NOX1: variants seen among roughly 807,000 people sequenced by gnomAD.
The protein encoded by NOX1 is NADPH oxidase 1, also known as NADH/NADPH mitogenic oxidase subunit P65-MOX.
A neutral mutation model predicts 42.5 loss-of-function variants in NOX1; 34 were observed. That is an observed-to-expected ratio of 0.80 (90% CI 0.61 to 1.07). The LOEUF (loss-of-function observed/expected upper bound fraction) is 1.07, where lower values mean the gene tolerates loss of function less well. Ranked by LOEUF, NOX1 falls within the 50% of genes least tolerant of loss-of-function variation. NOX1 has a pLI of 0.00. For missense variants in NOX1, 408 were observed against 427.0 expected, an observed-to-expected ratio of 0.96 and a Z score of 0.39; for synonymous variants, 143 against 152.5, an observed-to-expected ratio of 0.94 and a Z score of 0.46.
In NOX1 at chrX:100,862,517, T is replaced by A; in HGVS notation, c.546A>T (p.Thr182=). 2 of 1,210,266 alleles carry A rather than the reference T, an allele frequency of 1.7e-6. No homozygotes were observed. Among genetic ancestry groups the A allele is most frequent in the Non-Finnish European group, 2.2e-6 (2 of 894,088 alleles). The change falls in exon 6 of 13, where the codon ACA becomes ACT. Residue 182 remains threonine (T), a synonymous_variant. Coordinates refer to ENST00000372966, the MANE Select transcript of NOX1 (RefSeq NM_007052.5). ...AAGTTACCATGAGAATCAAGGCTATTGTCATGATCACTCCAGTGAGACCAG... is the reference window on the plus strand; with the variant it reads ...AAGTTACCATGAGAATCAAGGCTATAGTCATGATCACTCCAGTGAGACCAG... ...SIAGLTGVIM[T]IALILMVTSA...
rs1207560803 is a variant in NOX1, at chrX:100,853,423, C to CT, written c.805-2099dup. 3.8e-3 allele frequency among the ~76,000 whole-genome samples: 336 copies of CT among 88,294 alleles called. 5 individuals are homozygous for CT. The highest frequency in any genetic ancestry group is 5.7e-3 in the Non-Finnish European group (260 of 45,440). 76.7% of individuals were successfully genotyped at this position (88,294 alleles called of 115,157 possible). A position where few individuals can be genotyped will look rare whatever the true frequency, so the allele number is the denominator to read the frequency against. On this transcript the variant is annotated intron_variant, in intron 7 of 12. Coordinates refer to ENST00000372966, the MANE Select transcript of NOX1 (RefSeq NM_007052.5). The stretch of plus-strand genomic sequence containing the variant: ...CCTTGCGTCCTTCCTTTCTTTCTTT[C>CT]TTTTTTTTTTTTGACAGAGTCTCAC...
intron 2 of NOX1, among the ~76,000 whole-genome samples, chrX:100,866,208 T>G (rs1317239967): frequency 2.1e-5 from 2 of 96,421 alleles, no homozygotes; most frequent in African/African-American, 3.8e-5. Flanking sequence ...GGCGACAGAG[T>G]GAGACTCCAT....
At chrX:100,856,965 G>A (rs182185012) in intron 7 of NOX1, among the ~76,000 whole-genome samples, 146 of 111,386 alleles carry the variant, frequency 1.3e-3, no homozygotes, top group African/African-American at 4.6e-3. Flanking sequence ...TTGGTGTACA[G>A]ATTATTTCAT....
chrX:100,853,282 C>CTT (rs775067957), intron 7 of NOX1, among the ~76,000 whole-genome samples: 1 of 62,748 alleles, frequency 1.6e-5, no homozygotes, highest in African/African-American at 6.5e-5. Context: ...TTCTTTCTTT[C>CTT]TTTCTTTCTT....
At position 100,853,300 on chromosome X, in the gene NOX1, T is replaced by TTCTCTTTC. The variant is rs1355023424; in HGVS notation, c.805-1976_805-1975insGAAAGAGA. Among the ~76,000 whole-genome samples, 24 of 69,394 alleles carry TTCTCTTTC rather than the reference T, an allele frequency of 3.5e-4. No individual in the cohort carries two copies. The East Asian group carries it at 7.4e-3, about 22-fold the overall frequency. 60.3% of individuals were successfully genotyped at this position (69,394 alleles called of 115,157 possible). A position where few individuals can be genotyped will look rare whatever the true frequency, so the allele number is the denominator to read the frequency against. ...TTTCTTTCTTTCTTTCTTTCTTTCT[T>TTCTCTTTC]TCTTTCTTTCTTTCTTTCTTTCTCT... On this transcript the variant is annotated intron_variant, in intron 7 of 12. Coordinates refer to ENST00000372966, the MANE Select transcript of NOX1 (RefSeq NM_007052.5).
In NOX1 at chrX:100,851,356, A is replaced by G. The variant is rs758629194; in HGVS notation, c.805-31T>C. ...CAGAGACAGGGTTAAGAATGAGATT[A>G]CACACTAATTTCTTGTTTAGGACTT... is the stretch of plus-strand genomic sequence containing the variant. On this transcript the variant is annotated intron_variant, in intron 7 of 12. Transcript: ENST00000372966. 3.5e-6 allele frequency: 3 copies of G among 860,441 alleles called. No homozygotes were observed. The South Asian group carries it at 7.7e-5, about 22-fold the overall frequency. The allele number at this position is 860,441 out of a possible 1,213,427, so 70.9% of individuals were successfully genotyped here. A position where few individuals can be genotyped will look rare whatever the true frequency, so the allele number is the denominator to read the frequency against.
At chrX:100,849,254 G>A in intron 11 of NOX1, 26 bp downstream of exon 11, 1 of 1,201,674 alleles carries the variant, frequency 8.3e-7, no homozygotes, top group Non-Finnish European at 1.1e-6. Flanking sequence ...GTTTAGTAGG[G>A]GAATTAGTGT....
Position 100,863,536 on chromosome X carries a change from G to T in NOX1, c.201C>A (p.Ile67=). ...ALCLNFNSTL[I]LLPVCRNLLS... Reference sequence around the variant, plus strand: ...GCAGATTGCGACACACAGGAAGCAGGATCAGCGTGCTGTTAAAATTCAAGC... The same window carrying T: ...GCAGATTGCGACACACAGGAAGCAGTATCAGCGTGCTGTTAAAATTCAAGC... The change falls in exon 3 of 13, where the codon ATC becomes ATA. Residue 67 remains isoleucine, a synonymous_variant. Coordinates refer to ENST00000372966, the MANE Select transcript of NOX1 (RefSeq NM_007052.5). 8.3e-7 allele frequency: 1 copy of T among 1,211,080 alleles called. No individual in the cohort carries two copies. The highest frequency in any genetic ancestry group is 1.1e-6 in the Non-Finnish European group (1 of 895,462).
intron 12 of NOX1, among the ~76,000 whole-genome samples, chrX:100,846,621 G>GTC (rs1417693482): frequency 1.8e-5 from 2 of 110,271 alleles, no homozygotes; most frequent in Admixed American, 9.7e-5. Flanking sequence ...TCCCTCGCTA[G>GTC]TCTCTCTCTC....
At chrX:100,855,635 G>T in intron 7 of NOX1, 1 of 1,030,333 alleles carries the variant, frequency 9.7e-7, no homozygotes, top group Non-Finnish European at 1.4e-6. Flanking sequence ...AGTAACCAGG[G>T]CCGCCTCCTG....
chrX:100,855,708 T>C lies in NOX1; in HGVS notation c.805-4383A>G, dbSNP rs1569446464. ...CCCACTGCCACCATATCCACCACCATCATGGCTGCCACCAAAGCCACCATG... is the reference window on the plus strand; with the variant it reads ...CCCACTGCCACCATATCCACCACCACCATGGCTGCCACCAAAGCCACCATG... On this transcript the variant is annotated intron_variant, in intron 7 of 12. Coordinates refer to ENST00000372966, the MANE Select transcript of NOX1 (RefSeq NM_007052.5). 27 of 1,041,281 alleles carry C rather than the reference T, an allele frequency of 2.6e-5. No individual in the cohort carries two copies. In the East Asian group the frequency reaches 4.9e-4, roughly 19 times the overall value. 85.8% of individuals were successfully genotyped at this position (1,041,281 alleles called of 1,213,427 possible).
intron 2 of NOX1, 117 bp downstream of exon 2, chrX:100,870,602 G>A (rs2085268115): frequency 1.8e-6 from 1 of 544,838 alleles, no homozygotes; most frequent in East Asian, 3.4e-5. Flanking sequence ...TGGGCATTCT[G>A]TACTTTTTCT....
At chrX:100,846,785 C>T (rs1427202085) in intron 12 of NOX1, among the ~76,000 whole-genome samples, 1 of 112,671 alleles carries the variant, frequency 8.9e-6, no homozygotes, top group Non-Finnish European at 1.9e-5. Context: ...GTCATAACAA[C>T]CCTGCAAGTG....
At chrX:100,855,911 G>A (rs1053440501) in intron 7 of NOX1, 19 of 1,172,398 alleles carry the variant, frequency 1.6e-5, no homozygotes, top group African/African-American at 7.0e-5. Flanking sequence ...TCTTATCCAC[G>A]GAGTCATGGT....
intron 2 of NOX1, among the ~76,000 whole-genome samples, chrX:100,864,285 T>C (rs1310824362): frequency 8.9e-6 from 1 of 112,452 alleles, no homozygotes; most frequent in Non-Finnish European, 1.9e-5. Context: ...CCACCATGCC[T>C]GGCCAAGGAT....
At chrX:100,855,648 T>A (rs1005507367) in intron 7 of NOX1, 13 of 1,017,844 alleles carry the variant, frequency 1.3e-5, no homozygotes, top group Admixed American at 4.6e-5. Context: ...GCCTCCTGGA[T>A]AACCACCATC....
At chrX:100,862,104 G>C in intron 7 of NOX1, 67 bp downstream of exon 7, 1 of 1,078,405 alleles carries the variant, frequency 9.3e-7, no homozygotes, top group Non-Finnish European at 1.3e-6. Context: ...AACAATAAGA[G>C]TAATAATAAG....
Position 100,874,183 on chromosome X carries a change from T to A in NOX1, c.-44A>T. ...AGCCCTTCTAGGCAACAGGGAAGATTCAGCAATCCGGATTCTGGAGAGGTC... is the reference window on the plus strand; with the variant it reads ...AGCCCTTCTAGGCAACAGGGAAGATACAGCAATCCGGATTCTGGAGAGGTC... On this transcript the variant is annotated 5_prime_UTR_variant, in exon 1 of 13. Coordinates refer to ENST00000372966, the MANE Select transcript of NOX1 (RefSeq NM_007052.5). 1 of 1,001,091 alleles carries A rather than the reference T, an allele frequency of 1.0e-6. No homozygotes were observed. The highest frequency in any genetic ancestry group is 1.4e-6 in the Non-Finnish European group (1 of 709,569). 82.5% of individuals were successfully genotyped at this position (1,001,091 alleles called of 1,213,427 possible).
chrX:100,866,487 C>CGT (rs2085238527), intron 2 of NOX1, among the ~76,000 whole-genome samples: 1 of 63,984 alleles, frequency 1.6e-5, no homozygotes, highest in Non-Finnish European at 2.9e-5. Flanking sequence ...TGTGTGTGTC[C>CGT]CTGTGTGTGT....
Sources: gnomAD v4.1 joint callset for allele counts (sites outside exome capture counted in the v4.1 genomes callset) on GRCh38, gnomAD v4.1.1 for gene constraint, MANE v1.5 for transcripts, NCBI Gene and HGNC (gene_info 2026-07-23, HGNC 2026-07-21) for gene names.